TMEM74: variants seen among roughly 807,000 people sequenced by gnomAD.
TMEM74 encodes the protein transmembrane protein 74.
In TMEM74, 13 loss-of-function variants were observed where a neutral mutation model predicts 18.1. That is an observed-to-expected ratio of 0.72 (90% confidence interval 0.47 to 1.14). TMEM74 has a LOEUF of 1.14. TMEM74 is among the 50% of genes most tolerant of loss of function. TMEM74 has a pLI of 0.00. For missense variants in TMEM74, 372 were observed against 375.9 expected (o/e 0.99, Z 0.09); for synonymous variants, 159 against 146.6 (o/e 1.08, Z -0.61).
At chr8:108,690,483 G>GT (rs764686265) in intron 1 of TMEM74, among the ~76,000 whole-genome samples, 36 of 148,574 alleles carry the variant, frequency 2.4e-4, no homozygotes, top group East Asian at 9.8e-4. Flanking sequence ...CAGGTTTTTT[G>GT]TTTTTTTTTC....
At chr8:108,701,343 A>G (rs987226269) in intron 1 of TMEM74, among the ~76,000 whole-genome samples, 4 of 152,202 alleles carry the variant, frequency 2.6e-5, no homozygotes, top group Non-Finnish European at 4.4e-5. Context: ...GGAAGAAGGC[A>G]ATCCTGGTTC....
At chr8:108,765,615 G>A (rs1814097938) in intron 1 of TMEM74, among the ~76,000 whole-genome samples, 1 of 151,786 alleles carries the variant, frequency 6.6e-6, no homozygotes, top group African/African-American at 2.4e-5. Context: ...CACCATGATG[G>A]CCAGGCTGGT....
intron 1 of TMEM74, among the ~76,000 whole-genome samples, chr8:108,755,516 A>G (rs1487692051): frequency 2.0e-5 from 3 of 152,156 alleles, no homozygotes; most frequent in East Asian, 1.9e-4. Flanking sequence ...TTAAGCTTAA[A>G]GAGGACATTT....
At chr8:108,678,735 A>G (rs201333396) in intron 1 of TMEM74, among the ~76,000 whole-genome samples, 1 of 149,458 alleles carries the variant, frequency 6.7e-6, no homozygotes, top group Non-Finnish European at 1.5e-5. Context: ...TAAAATTTAT[A>G]TATTTATTTA....
intron 2 of TMEM74, among the ~76,000 whole-genome samples, chr8:108,614,989 AATAAT>A (rs1457750552): frequency 2.3e-4 from 35 of 152,242 alleles, no homozygotes; most frequent in Non-Finnish European, 4.6e-4. Flanking sequence ...GCATTATTAA[AATAAT>A]ATGAGACCAA....
chr8:108,613,183 A>T (rs2935783), intron 2 of TMEM74, among the ~76,000 whole-genome samples: 32,671 of 152,114 alleles, frequency 0.21, 3,528 homozygotes, highest in East Asian at 0.27. Flanking sequence ...CACTTCTTCA[A>T]CCACAGACTT....
rs1037212292 is a variant in TMEM74 at position 108,609,498 on chromosome 8, A to G, written n.265-672T>C. On this transcript the variant is annotated intron_variant and non_coding_transcript_variant, in intron 2 of 3. Transcript: ENST00000518838. ...CCCCATTTCTACTAAAAATATAAAA[A>G]TTAGCTGGGCTTGGTGGCTGGTGCC... Among the ~76,000 whole-genome samples, 17 of 152,112 alleles carry G rather than the reference A, an allele frequency of 1.1e-4. 1 individual carries two copies. The highest frequency in any genetic ancestry group is 4.1e-4 in the African/African-American group (17 of 41,418).
At chr8:108,744,159 T>A (rs931736410) in intron 1 of TMEM74, among the ~76,000 whole-genome samples, 2 of 152,284 alleles carry the variant, frequency 1.3e-5, no homozygotes, top group East Asian at 3.9e-4. Flanking sequence ...GGTGGCAAAT[T>A]CTGAGTGTGG....
At chr8:108,743,258 T>C (rs1468811196) in intron 1 of TMEM74, among the ~76,000 whole-genome samples, 4 of 152,198 alleles carry the variant, frequency 2.6e-5, no homozygotes, top group Non-Finnish European at 4.4e-5. Context: ...GTAATATAAG[T>C]CGAATTTGTG....
chr8:108,655,417 C>T (rs983069790), exon 2 of TMEM74: 2 of 151,034 alleles, frequency 1.3e-5, no homozygotes, highest in Non-Finnish European at 2.9e-5. Context: ...TCAGCCTAGG[C>T]AACATAGCCA....
intron 1 of TMEM74, among the ~76,000 whole-genome samples, chr8:108,746,991 G>T (rs1490679811): frequency 6.6e-6 from 1 of 152,208 alleles, no homozygotes; most frequent in Admixed American, 6.5e-5. Context: ...TAAGTAAATT[G>T]TCTTGAGTTC....
Position 108,756,584 on chromosome 8 carries a change from GAA to G in TMEM74, n.119+30890_119+30891del, listed in dbSNP as rs1483864738. Among the ~76,000 whole-genome samples the G allele has an allele frequency of 2.7e-3, 298 of 108,658 alleles. 1 individual carries two copies. The highest frequency in any genetic ancestry group is 0.011 in the African/African-American group (261 of 23,530). 71.3% of individuals were successfully genotyped at this position (108,658 alleles called of 152,430 possible). On this transcript the variant is annotated intron_variant and non_coding_transcript_variant, in intron 1 of 3. Transcript: ENST00000518838. ...AGAAAGAAAGAAAGAAAGAAAGAAA[GAA>G]AGAAAGAAAGAGAAAGGAAGGAAGG...
chr8:108,659,834 G>C (rs914926162), intron 1 of TMEM74, among the ~76,000 whole-genome samples: 1 of 152,082 alleles, frequency 6.6e-6, no homozygotes. Flanking sequence ...GCTTCAGAGA[G>C]CCATCTCACC....
In TMEM74 at chr8:108,651,337, T is replaced by G. The variant is rs532241246; in HGVS notation, n.264+3956A>C. 4.6e-5 allele frequency among the ~76,000 whole-genome samples: 7 copies of G among 152,316 alleles called. No homozygotes were observed. In the South Asian group the frequency reaches 1.5e-3, roughly 32 times the overall value. On this transcript the variant is annotated intron_variant and non_coding_transcript_variant, in intron 2 of 3. Transcript: ENST00000518838. ...CTTTACTGCCCTCTTTAGGAACTGA[T>G]TCATCAGTTATTCTCAGAATTTCCT...
intron 2 of TMEM74, among the ~76,000 whole-genome samples, chr8:108,617,922 G>A (rs1812402068): frequency 6.6e-6 from 1 of 152,088 alleles, no homozygotes. Flanking sequence ...CTCCCAGCTT[G>A]TGTCCTGGAA....
At position 108,686,282 on chromosome 8, in the gene TMEM74, T is replaced by G. The variant is rs112880520; in HGVS notation, n.120-30845A>C. Among the ~76,000 whole-genome samples the G allele has an allele frequency of 2.9e-3, 436 of 152,228 alleles. 3 individuals are homozygous for G. Among genetic ancestry groups the G allele is most frequent in the Non-Finnish European group, 4.7e-3 (321 of 68,018 alleles). ...GGAGTGATCTTGGCTCACTGCAAGCTCCACCTCCTGGGTTCACGCCATTCT... is the reference window on the plus strand; with the variant it reads ...GGAGTGATCTTGGCTCACTGCAAGCGCCACCTCCTGGGTTCACGCCATTCT... On this transcript the variant is annotated intron_variant and non_coding_transcript_variant, in intron 1 of 3. Transcript: ENST00000518838.
At chr8:108,751,090 C>A (rs1331244646) in intron 1 of TMEM74, among the ~76,000 whole-genome samples, 3 of 152,078 alleles carry the variant, frequency 2.0e-5, no homozygotes, top group Non-Finnish European at 4.4e-5. Context: ...CGTTCATGGA[C>A]TTTAGAGTCT....
chr8:108,759,099 A>C (rs1814010533), intron 1 of TMEM74, among the ~76,000 whole-genome samples: 1 of 152,088 alleles, frequency 6.6e-6, no homozygotes, highest in African/African-American at 2.4e-5. Flanking sequence ...AACAGTATTA[A>C]AAATTGTGGG....
At chr8:108,719,514 T>C (rs1177931998) in intron 1 of TMEM74, among the ~76,000 whole-genome samples, 1 of 152,146 alleles carries the variant, frequency 6.6e-6, no homozygotes, top group Non-Finnish European at 1.5e-5. Context: ...CTTATTCTGG[T>C]TCTAATCAAA....
Sources: gnomAD v4.1 joint callset for allele counts (sites outside exome capture counted in the v4.1 genomes callset) on GRCh38, gnomAD v4.1.1 for gene constraint, MANE v1.5 for transcripts, NCBI Gene and HGNC (gene_info 2026-07-23, HGNC 2026-07-21) for gene names.